Variants in ALDH1A2 observed in about 807,000 individuals in gnomAD.
ALDH1A2 encodes the protein aldehyde dehydrogenase 1 family member A2, also known as retinal dehydrogenase 2.
In ALDH1A2, 27 loss-of-function variants were observed where a neutral mutation model predicts 60.3. The observed-to-expected ratio is 0.45, with a 90% CI of 0.33 to 0.62. ALDH1A2 has a LOEUF of 0.62. ALDH1A2 is among the 20% of genes least tolerant of loss of function. The pLI, the probability that ALDH1A2 is intolerant of heterozygous loss-of-function variation, is 0.02. For synonymous variants in ALDH1A2, 289 were observed against 232.4 expected (o/e 1.24, Z -2.21); for missense variants, 581 against 643.8 (o/e 0.90, Z 1.06).
chr15:58,015,647 T>C (rs1409171447), intron 1 of ALDH1A2, among the ~76,000 whole-genome samples: 2 of 152,216 alleles, frequency 1.3e-5, no homozygotes, highest in South Asian at 2.1e-4. Flanking sequence ...CAGTCTCTAG[T>C]AGTTTATTTA....
At chr15:57,987,515 G>C (rs1161753644) in intron 7 of ALDH1A2, among the ~76,000 whole-genome samples, 1 of 152,096 alleles carries the variant, frequency 6.6e-6, no homozygotes, top group African/African-American at 2.4e-5. Context: ...TATCTTTGAA[G>C]TCTTGAAAGT....
At chr15:58,011,999 T>C (rs1462602141) in intron 3 of ALDH1A2, 1 of 152,162 alleles carries the variant, frequency 6.6e-6, no homozygotes, top group African/African-American at 2.4e-5. Flanking sequence ...TATTTTCAAT[T>C]GTGTTTACTT....
intron 7 of ALDH1A2, among the ~76,000 whole-genome samples, chr15:57,988,890 C>T (rs570360351): frequency 1.1e-4 from 16 of 149,300 alleles, no homozygotes; most frequent in African/African-American, 3.5e-4. Context: ...TGTTATGTGC[C>T]GGGCGCAGTG....
chr15:57,999,699 A>G (rs1895192504), intron 4 of ALDH1A2, among the ~76,000 whole-genome samples: 1 of 152,076 alleles, frequency 6.6e-6, no homozygotes, highest in South Asian at 2.1e-4. Flanking sequence ...TTTACCCAGC[A>G]GTCCCATTAC....
chr15:58,037,153 T>C (rs576838468), intron 1 of ALDH1A2, among the ~76,000 whole-genome samples: 106 of 151,800 alleles, frequency 7.0e-4, no homozygotes, highest in African/African-American at 2.4e-3. Context: ...AAGTAGAATA[T>C]GTATTTAAGC....
At chr15:58,041,888 G>A (rs571438335) in intron 1 of ALDH1A2, among the ~76,000 whole-genome samples, 1 of 152,012 alleles carries the variant, frequency 6.6e-6, no homozygotes, top group South Asian at 2.1e-4. Flanking sequence ...AACAGTAAGA[G>A]ATTAACAACT....
At chr15:57,958,768 G>A (rs34548770) in intron 12 of ALDH1A2, among the ~76,000 whole-genome samples, 180 of 152,316 alleles carry the variant, frequency 1.2e-3, no homozygotes, top group African/African-American at 4.0e-3. Flanking sequence ...AGCATTTTCT[G>A]TCACTCAGGG....
At chr15:58,027,110 G>C (rs1424642491) in intron 1 of ALDH1A2, among the ~76,000 whole-genome samples, 3 of 152,204 alleles carry the variant, frequency 2.0e-5, no homozygotes, top group African/African-American at 7.2e-5. Context: ...GGCTGACTGG[G>C]AGACCCTCCC....
At chr15:57,986,221 G>A (rs1352564719) in intron 7 of ALDH1A2, among the ~76,000 whole-genome samples, 1 of 152,130 alleles carries the variant, frequency 6.6e-6, no homozygotes, top group Non-Finnish European at 1.5e-5. Context: ...TGAATCTAGA[G>A]AAAAGGAAAT....
intron 1 of ALDH1A2, among the ~76,000 whole-genome samples, chr15:58,035,826 G>A (rs79124208): frequency 0.011 from 1,661 of 151,692 alleles, 16 homozygotes; most frequent in Non-Finnish European, 0.018. Flanking sequence ...ACCCCAGAAT[G>A]TGGTCTATCT....
At chr15:58,003,531 T>C (rs748063596) in intron 4 of ALDH1A2, among the ~76,000 whole-genome samples, 1 of 151,886 alleles carries the variant, frequency 6.6e-6, no homozygotes, top group Non-Finnish European at 1.5e-5. Flanking sequence ...ATATCGTAAG[T>C]CCATTTTAAT....
chr15:58,025,837 G>T (rs1309520437), intron 1 of ALDH1A2, among the ~76,000 whole-genome samples: 3 of 152,196 alleles, frequency 2.0e-5, no homozygotes, highest in African/African-American at 7.2e-5. Flanking sequence ...GAGAGAGCAA[G>T]AGAGAAAAGA....
At chr15:58,010,213 C>T (rs1457741059) in intron 4 of ALDH1A2, among the ~76,000 whole-genome samples, 1 of 152,056 alleles carries the variant, frequency 6.6e-6, no homozygotes, top group African/African-American at 2.4e-5. Flanking sequence ...ATAATCTCAC[C>T]ACTCAGAGAC....
At chr15:57,961,007 A>G in intron 11 of ALDH1A2, 130 bp downstream of exon 11, 3 of 1,355,428 alleles carry the variant, frequency 2.2e-6, no homozygotes, top group South Asian at 2.5e-5. Context: ...AGCAGTAAGG[A>G]GTGTACCCCT....
intron 7 of ALDH1A2, among the ~76,000 whole-genome samples, chr15:57,989,653 C>A (rs1894826993): frequency 6.6e-6 from 1 of 151,706 alleles, no homozygotes; most frequent in Non-Finnish European, 1.5e-5. Context: ...TTTGCTCCAA[C>A]CTGTATATAT....
At chr15:58,020,946 A>T (rs1299927882) in intron 1 of ALDH1A2, among the ~76,000 whole-genome samples, 1 of 152,168 alleles carries the variant, frequency 6.6e-6, no homozygotes, top group African/African-American at 2.4e-5. Flanking sequence ...TAAGTTCATA[A>T]CCATTAGATC....
At position 57,995,117 on chromosome 15, in the gene ALDH1A2, T is replaced by C. The variant is rs1650900739; in HGVS notation, c.516A>G (p.Thr172=). The C allele has an allele frequency of 1.9e-6, 3 of 1,611,046 alleles. No homozygotes were observed. Among genetic ancestry groups the C allele is most frequent in the African/African-American group, 1.3e-5 (1 of 74,170 alleles). ...CACACACTCCAATGGGTTCATGTCT[T>C]GTAAAGGTAAAATAGTCTCCATCTG... ...IPVDGDYFTF[T]RHEPIGVCGQ... Residue 172 remains threonine (T), a synonymous_variant, in exon 5 of 13, where the codon ACA becomes ACG. Coordinates refer to ENST00000249750, the MANE Select transcript of ALDH1A2 (RefSeq NM_003888.4).
intron 1 of ALDH1A2, among the ~76,000 whole-genome samples, chr15:58,063,406 C>T (rs1274051703): frequency 2.0e-5 from 3 of 152,132 alleles, no homozygotes; most frequent in Non-Finnish European, 4.4e-5. Context: ...CTATCTTGTT[C>T]ACTCTTCTGT....
intron 1 of ALDH1A2, among the ~76,000 whole-genome samples, chr15:58,049,849 G>A (rs930184887): frequency 6.6e-6 from 1 of 152,030 alleles, no homozygotes; most frequent in Admixed American, 6.6e-5. Flanking sequence ...TGAAAACTGA[G>A]AATGTAACAT....
Sources: gnomAD v4.1 joint callset for allele counts (sites outside exome capture counted in the v4.1 genomes callset) on GRCh38, gnomAD v4.1.1 for gene constraint, MANE v1.5 for transcripts, NCBI Gene and HGNC (gene_info 2026-07-23, HGNC 2026-07-21) for gene names.